Variants in ZNF385D observed in about 807,000 individuals in gnomAD.
ZNF385D encodes zinc finger protein 659.
In ZNF385D, 15 loss-of-function variants were observed where a neutral mutation model predicts 35.8. The observed-to-expected ratio is 0.42, with a 90% confidence interval of 0.28 to 0.64. The LOEUF (loss-of-function observed/expected upper bound fraction) is 0.64, where lower values mean the gene tolerates loss of function less well. ZNF385D is among the 30% of genes least tolerant of loss of function. ZNF385D has a pLI of 0.23. For missense variants in ZNF385D, 474 were observed against 494.6 expected, an observed-to-expected ratio of 0.96 and a Z score of 0.39; for synonymous variants, 212 against 186.8, an observed-to-expected ratio of 1.13 and a Z score of -1.10.
chr3:22,109,414 C>T (rs1702392561), intron 3 of ZNF385D, among the ~76,000 whole-genome samples: 1 of 152,134 alleles, frequency 6.6e-6, no homozygotes, highest in Admixed American at 6.6e-5. Flanking sequence ...ACTACAGAAG[C>T]ATGTATACAG....
chr3:21,754,192 T>C (rs1348513027), upstream of ZNF385D, among the ~76,000 whole-genome samples: 1 of 152,204 alleles, frequency 6.6e-6, no homozygotes, highest in African/African-American at 2.4e-5. Context: ...AGCATAATAA[T>C]TTCCAAATGA....
chr3:22,160,045 C>G (rs1705846604), intron 3 of ZNF385D, among the ~76,000 whole-genome samples: 1 of 151,958 alleles, frequency 6.6e-6, no homozygotes, highest in African/African-American at 2.4e-5. Context: ...CCATGCTGTT[C>G]TTGTGATGTT....
At chr3:21,758,400 G>T (rs1575599527) in intron 3 of ZNF385D, among the ~76,000 whole-genome samples, 1 of 152,148 alleles carries the variant, frequency 6.6e-6, no homozygotes, top group Admixed American at 6.5e-5. Flanking sequence ...TGTTGTGGAA[G>T]GAGACAATGG....
chr3:22,144,139 A>G (rs1016753834), intron 3 of ZNF385D, among the ~76,000 whole-genome samples: 48 of 152,334 alleles, frequency 3.2e-4, no homozygotes, highest in African/African-American at 1.1e-3. Context: ...GACAACTACA[A>G]AAGAATTCAA....
At chr3:21,965,735 C>A (rs1576028161) in intron 3 of ZNF385D, among the ~76,000 whole-genome samples, 1 of 152,098 alleles carries the variant, frequency 6.6e-6, no homozygotes, top group African/African-American at 2.4e-5. Context: ...ATGTTGATAA[C>A]TTCTGTGGTA....
At chr3:21,957,622 G>T (rs1435937670) in intron 3 of ZNF385D, among the ~76,000 whole-genome samples, 3 of 152,100 alleles carry the variant, frequency 2.0e-5, no homozygotes, top group African/African-American at 7.2e-5. Context: ...TTGAACTGGT[G>T]TTCTGCTTAT....
intron 2 of ZNF385D, among the ~76,000 whole-genome samples, chr3:22,286,776 A>G (rs1020355100): frequency 6.6e-6 from 1 of 152,086 alleles, no homozygotes; most frequent in Non-Finnish European, 1.5e-5. Flanking sequence ...ATATGTTGAG[A>G]CTTGTTTTGT....
chr3:22,077,070 C>A (rs983777427), intron 3 of ZNF385D, among the ~76,000 whole-genome samples: 4 of 151,644 alleles, frequency 2.6e-5, no homozygotes, highest in African/African-American at 4.8e-5. Context: ...ACCTTAATAC[C>A]CATAATAACC....
rs538568886 is a variant in ZNF385D, at chr3:22,029,248, A to G, written c.325+139569T>C. Among the ~76,000 whole-genome samples, 56 of 152,232 alleles carry G rather than the reference A, an allele frequency of 3.7e-4. 1 individual carries two copies. In the South Asian group the frequency reaches 0.012, roughly 32 times the overall value. ...TTTGGGTGACTTACTTGCACTATCA[A>G]GATGAAATTAATCTATTACTCCAGC... is the stretch of plus-strand genomic sequence containing the variant. On this transcript the variant is annotated intron_variant, in intron 3 of 5. Transcript: ENST00000494108.
rs188012825 is a variant in ZNF385D, at chr3:22,342,013, C to T, written c.106+30437G>A. ...GAATGAGGCCGGGCGCGGTGGCTCACGTCTGTAATCCCAGCACTTTGGGAG... is the reference window on the plus strand; with the variant it reads ...GAATGAGGCCGGGCGCGGTGGCTCATGTCTGTAATCCCAGCACTTTGGGAG... On this transcript the variant is annotated intron_variant, in intron 2 of 5. Transcript: ENST00000494108. 4.8e-3 allele frequency among the ~76,000 whole-genome samples: 732 copies of T among 152,120 alleles called. 1 individual carries two copies. Among genetic ancestry groups the T allele is most frequent in the African/African-American group, 0.016 (675 of 41,472 alleles).
intron 2 of ZNF385D, among the ~76,000 whole-genome samples, chr3:22,181,451 C>G (rs1559433715): frequency 6.6e-6 from 1 of 151,968 alleles, no homozygotes; most frequent in Non-Finnish European, 1.5e-5. Flanking sequence ...AATCCCAGCA[C>G]TTTGGGAGGC....
chr3:22,117,955 T>G (rs1702893523), intron 3 of ZNF385D, among the ~76,000 whole-genome samples: 1 of 152,024 alleles, frequency 6.6e-6, no homozygotes. Flanking sequence ...CTCATGGATA[T>G]TACAGAAGTA....
intron 2 of ZNF385D, among the ~76,000 whole-genome samples, chr3:21,625,672 A>C (rs182772028): frequency 6.6e-6 from 1 of 152,216 alleles, no homozygotes; most frequent in African/African-American, 2.4e-5. Flanking sequence ...TGAGACACAA[A>C]AAAAGTCATA....
intron 3 of ZNF385D, chr3:21,563,361 C>CTTTG (rs1194192478): frequency 6.6e-6 from 1 of 152,184 alleles, no homozygotes; most frequent in Non-Finnish European, 1.5e-5. Context: ...GTTTATGGTA[C>CTTTG]TTTGTTTTAG....
intron 3 of ZNF385D, among the ~76,000 whole-genome samples, chr3:21,862,138 A>G (rs969410804): frequency 1.3e-5 from 2 of 152,118 alleles, no homozygotes; most frequent in Non-Finnish European, 2.9e-5. Context: ...CCTTGCTTAT[A>G]TGATCACTTT....
chr3:21,983,829 G>GT (rs1442301255), intron 3 of ZNF385D, among the ~76,000 whole-genome samples: 1 of 88,698 alleles, frequency 1.1e-5, no homozygotes, highest in African/African-American at 5.3e-5. Flanking sequence ...AGCACCTGTT[G>GT]TTTCCTGACT....
At chr3:21,917,012 T>A (rs547872739) in intron 3 of ZNF385D, among the ~76,000 whole-genome samples, 2 of 152,308 alleles carry the variant, frequency 1.3e-5, no homozygotes, top group Admixed American at 6.5e-5. Flanking sequence ...AAAAATCACA[T>A]ATTTTAAAAT....
At chr3:22,057,809 C>T (rs1056436939) in intron 3 of ZNF385D, among the ~76,000 whole-genome samples, 8 of 152,122 alleles carry the variant, frequency 5.3e-5, no homozygotes, top group South Asian at 2.1e-4. Flanking sequence ...CCACTGTGCC[C>T]GGCCTCACGT....
chr3:22,094,730 T>G (rs1399128065), intron 3 of ZNF385D, among the ~76,000 whole-genome samples: 1 of 151,892 alleles, frequency 6.6e-6, no homozygotes. Flanking sequence ...GTTACTGAGG[T>G]GGCCACACTG....
Sources: gnomAD v4.1 joint callset for allele counts (sites outside exome capture counted in the v4.1 genomes callset) on GRCh38, gnomAD v4.1.1 for gene constraint, MANE v1.5 for transcripts, NCBI Gene and HGNC (gene_info 2026-07-23, HGNC 2026-07-21) for gene names.